The following NUBPL variants were observed in gnomAD, a reference collection of about 807,000 sequenced individuals.
NUBPL encodes the protein iron-sulfur cluster transfer protein NUBPL.
Under a neutral mutation model 45.7 loss-of-function variants are expected in NUBPL, and 31 were observed. The ratio of observed to expected loss-of-function variants is 0.68; its 90% CI spans 0.51 to 0.92. The LOEUF is 0.92. Ranked by LOEUF, NUBPL falls within the 40% of genes least tolerant of loss-of-function variation. The pLI is 0.00. For synonymous variants in NUBPL, 144 were observed against 140.9 expected, an observed-to-expected ratio of 1.02 and a Z score of -0.15; for missense variants, 401 against 398.7, an observed-to-expected ratio of 1.01 and a Z score of -0.05.
chr14:31,689,459 C>T (rs920603232), intron 6 of NUBPL, among the ~76,000 whole-genome samples: 2 of 152,228 alleles, frequency 1.3e-5, no homozygotes, highest in South Asian at 2.1e-4. Context: ...GTTGGCTACA[C>T]ATATGTCTTC....
At chr14:31,813,693 A>G (rs910697580) in intron 7 of NUBPL, among the ~76,000 whole-genome samples, 3 of 152,066 alleles carry the variant, frequency 2.0e-5, no homozygotes, top group Non-Finnish European at 2.9e-5. Context: ...CCTGGCCCCC[A>G]ACCTCTGACA....
intron 4 of NUBPL, among the ~76,000 whole-genome samples, chr14:31,612,219 C>A (rs540901783): frequency 3.2e-4 from 48 of 152,296 alleles, no homozygotes; most frequent in Admixed American, 1.8e-3. Flanking sequence ...ATTTTAATGG[C>A]AAAAACTGCA....
chr14:31,772,478 A>C (rs2039026274), intron 6 of NUBPL, among the ~76,000 whole-genome samples: 1 of 152,190 alleles, frequency 6.6e-6, no homozygotes, highest in Non-Finnish European at 1.5e-5. Context: ...TAATTAACTG[A>C]AATACTGTTA....
intron 3 of NUBPL, among the ~76,000 whole-genome samples, chr14:31,597,836 A>G (rs1490391849): frequency 6.6e-6 from 1 of 152,154 alleles, no homozygotes; most frequent in Non-Finnish European, 1.5e-5. Context: ...ACTTTATGCA[A>G]TAGAAGTTAA....
rs74040874 is a variant in NUBPL, at chr14:31,580,686, T to C, written c.291+15638T>C. On this transcript the variant is annotated intron_variant, in intron 3 of 10. Transcript: ENST00000281081. Reference sequence around the variant, plus strand: ...ATAAGGATGTCAGGGAGGAGATCTCTGAAGACATGACATTTGAGCAGACAT... The same window carrying C: ...ATAAGGATGTCAGGGAGGAGATCTCCGAAGACATGACATTTGAGCAGACAT... Among the ~76,000 whole-genome samples the C allele has an allele frequency of 2.7e-3, 413 of 152,288 alleles. 2 individuals carry two copies. The highest frequency in any genetic ancestry group is 9.2e-3 in the African/African-American group (381 of 41,544).
intron 4 of NUBPL, among the ~76,000 whole-genome samples, chr14:31,665,181 G>C (rs552911359): frequency 1.1e-4 from 16 of 152,062 alleles, no homozygotes; most frequent in African/African-American, 3.9e-4. Context: ...ACCAGCTCCT[G>C]GATTCATTGA....
At chr14:31,750,602 G>C (rs2038505907) in intron 6 of NUBPL, among the ~76,000 whole-genome samples, 1 of 151,832 alleles carries the variant, frequency 6.6e-6, no homozygotes, top group African/African-American at 2.4e-5. Context: ...ATTTTTCTTT[G>C]CTTTATCATT....
At chr14:31,671,760 A>C (rs1005270031) in intron 4 of NUBPL, among the ~76,000 whole-genome samples, 1 of 152,220 alleles carries the variant, frequency 6.6e-6, no homozygotes, top group Non-Finnish European at 1.5e-5. Context: ...GTATTCCTTT[A>C]ATGAAGGACC....
intron 7 of NUBPL, among the ~76,000 whole-genome samples, chr14:31,800,660 A>G (rs1205857838): frequency 6.6e-6 from 1 of 152,170 alleles, no homozygotes; most frequent in East Asian, 1.9e-4. Flanking sequence ...GTAAGAAGAA[A>G]CTTTAAATTA....
At chr14:31,825,436 A>T (rs1402928512) in intron 7 of NUBPL, among the ~76,000 whole-genome samples, 1 of 152,136 alleles carries the variant, frequency 6.6e-6, no homozygotes, top group Non-Finnish European at 1.5e-5. Context: ...TCTTCCAAGT[A>T]GAATATTAAC....
Position 31,777,353 on chromosome 14 carries a change from A to G in NUBPL, c.514-10427A>G, listed in dbSNP as rs188304966. On this transcript the variant is annotated intron_variant, in intron 6 of 10. Coordinates refer to ENST00000281081, the MANE Select transcript of NUBPL (RefSeq NM_025152.3). Reference sequence around the variant, plus strand: ...GATCCTTGAGGCAGGGCAGTGGCCAATTGAACGACTAGAGTCTTTTACTTA... The same window carrying G: ...GATCCTTGAGGCAGGGCAGTGGCCAGTTGAACGACTAGAGTCTTTTACTTA... Among the ~76,000 whole-genome samples, 180 of 152,330 alleles carry G rather than the reference A, an allele frequency of 1.2e-3. 3 individuals are homozygous for G. The Middle Eastern group carries it at 0.027, about 23-fold the overall frequency.
chr14:31,816,562 CT>C (rs1254565303), intron 7 of NUBPL, among the ~76,000 whole-genome samples: 2 of 152,004 alleles, frequency 1.3e-5, no homozygotes, highest in East Asian at 3.9e-4. Context: ...TATTTCTTGT[CT>C]TCTGCTAGCT....
rs564332951 is a variant in NUBPL, at chr14:31,729,714, G to T, written c.513+56140G>T. 6.7e-4 allele frequency among the ~76,000 whole-genome samples: 102 copies of T among 152,190 alleles called. 1 individual carries two copies. Among genetic ancestry groups the T allele is most frequent in the African/African-American group, 2.1e-3 (89 of 41,532 alleles). ...ATTCTAATATTAAGTTGGTGTAAAA[G>T]TAATTGAAGTTTTTGCCATTTTTTT... On this transcript the variant is annotated intron_variant, in intron 6 of 10. Transcript: ENST00000281081.
intron 4 of NUBPL, among the ~76,000 whole-genome samples, chr14:31,631,060 C>G (rs2035328787): frequency 6.6e-6 from 1 of 152,166 alleles, no homozygotes; most frequent in Non-Finnish European, 1.5e-5. Context: ...TTTGGATTCT[C>G]CCTCCCTGTT....
intron 4 of NUBPL, among the ~76,000 whole-genome samples, chr14:31,613,159 G>C (rs1172029633): frequency 2.0e-5 from 3 of 152,312 alleles, no homozygotes; most frequent in African/African-American, 7.2e-5. Context: ...GATGGAACTG[G>C]AGATCATTAT....
chr14:31,609,272 T>C (rs1442140062), intron 4 of NUBPL, among the ~76,000 whole-genome samples: 1 of 152,154 alleles, frequency 6.6e-6, no homozygotes, highest in East Asian at 1.9e-4. Flanking sequence ...CAGGAGTTGC[T>C]ATACTTACAT....
At chr14:31,596,981 T>C (rs934360594) in intron 3 of NUBPL, among the ~76,000 whole-genome samples, 1 of 152,214 alleles carries the variant, frequency 6.6e-6, no homozygotes, top group Non-Finnish European at 1.5e-5. Flanking sequence ...GGTTCTGATT[T>C]GTCCATAGGG....
intron 6 of NUBPL, among the ~76,000 whole-genome samples, chr14:31,765,569 A>T (rs1005865386): frequency 6.6e-6 from 1 of 152,068 alleles, no homozygotes; most frequent in Non-Finnish European, 1.5e-5. Flanking sequence ...GAATTTACAG[A>T]TTCAAATCTA....
intron 4 of NUBPL, chr14:31,654,049 C>G (rs1595442784): frequency 2.2e-6 from 1 of 454,002 alleles, no homozygotes; most frequent in Admixed American, 2.4e-5. Context: ...TAACACCAAA[C>G]TTCATACTTG....
Sources: gnomAD v4.1 joint callset for allele counts (sites outside exome capture counted in the v4.1 genomes callset) on GRCh38, gnomAD v4.1.1 for gene constraint, MANE v1.5 for transcripts, NCBI Gene and HGNC (gene_info 2026-07-23, HGNC 2026-07-21) for gene names.